The following NAALADL2 variants were observed in gnomAD, a reference collection of about 807,000 sequenced individuals.
NAALADL2 encodes the protein inactive N-acetylated-alpha-linked acidic dipeptidase-like protein 2.
A neutral mutation model predicts 87.2 loss-of-function variants in NAALADL2; 76 were observed. The observed-to-expected ratio is 0.87, with a 90% confidence interval of 0.72 to 1.05. NAALADL2 has a LOEUF of 1.05. Ranked by LOEUF, NAALADL2 falls within the 50% of genes least tolerant of loss-of-function variation. NAALADL2 has a pLI of 0.00. For synonymous variants in NAALADL2, 354 were observed against 331.0 expected, an observed-to-expected ratio of 1.07 and a Z score of -0.75; for missense variants, 1,089 against 945.8, an observed-to-expected ratio of 1.15 and a Z score of -1.99.
At chr3:174,786,175 G>T (rs1418979585) in intron 3 of NAALADL2, among the ~76,000 whole-genome samples, 2 of 152,138 alleles carry the variant, frequency 1.3e-5, no homozygotes, top group South Asian at 2.1e-4. Context: ...AATTGGCCAG[G>T]CATGGTGACT....
At position 175,720,843 on chromosome 3, in the gene NAALADL2, GAAAT is replaced by G; in HGVS notation, c.1897-16459_1897-16456del. Among the ~76,000 whole-genome samples, 4 of 152,106 alleles carry G rather than the reference GAAAT, an allele frequency of 2.6e-5. No individual in the cohort carries two copies. In the South Asian group the frequency reaches 8.3e-4, roughly 32 times the overall value. The stretch of plus-strand genomic sequence containing the variant: ...TAAAGTATCATTCAAAAGTGAGAAA[GAAAT>G]AAAGATATTTTAGAAAAAGGCTGAG... On this transcript the variant is annotated intron_variant, in intron 11 of 13. Coordinates refer to ENST00000454872, the MANE Select transcript of NAALADL2 (RefSeq NM_207015.3).
chr3:175,314,700 A>AAC (rs1350234995), intron 4 of NAALADL2, among the ~76,000 whole-genome samples: 1,395 of 84,916 alleles, frequency 0.016, 98 homozygotes, highest in African/African-American at 0.056. Flanking sequence ...ATATATATAT[A>AAC]TATATATATA....
chr3:174,632,717 C>T (rs549257437), intron 2 of NAALADL2, among the ~76,000 whole-genome samples: 9 of 151,898 alleles, frequency 5.9e-5, no homozygotes, highest in African/African-American at 1.9e-4. Flanking sequence ...AGGCAGATTG[C>T]GAGGTCAGGA....
intron 2 of NAALADL2, among the ~76,000 whole-genome samples, chr3:174,633,883 G>T (rs1343285443): frequency 1.3e-5 from 2 of 152,186 alleles, no homozygotes; most frequent in Non-Finnish European, 2.9e-5. Flanking sequence ...AAGGAGCATA[G>T]ACTTGGAGCT....
intron 2 of NAALADL2, among the ~76,000 whole-genome samples, chr3:174,586,999 A>C: frequency 8.1e-6 from 1 of 123,062 alleles, no homozygotes; most frequent in Admixed American, 8.4e-5. Context: ...CCACCCCACG[A>C]CAGGCCCTGG....
intron 1 of NAALADL2, among the ~76,000 whole-genome samples, chr3:174,958,056 C>T (rs1289358262): frequency 6.6e-6 from 1 of 151,848 alleles, no homozygotes. Context: ...TGTAACCTTT[C>T]ACCATAACAT....
chr3:175,759,742 A>T (rs1456115333), intron 13 of NAALADL2, among the ~76,000 whole-genome samples: 1 of 152,128 alleles, frequency 6.6e-6, no homozygotes, highest in African/African-American at 2.4e-5. Context: ...CATTTCCAGG[A>T]GGATAGTTTG....
intron 2 of NAALADL2, among the ~76,000 whole-genome samples, chr3:175,164,358 T>A (rs1285245194): frequency 1.3e-5 from 2 of 151,946 alleles, no homozygotes; most frequent in African/African-American, 4.8e-5. Flanking sequence ...GTGAGCATCT[T>A]CTTATCACAT....
chr3:175,698,431 G>GTATTTATGTA (rs1738413415), intron 11 of NAALADL2, among the ~76,000 whole-genome samples: 2 of 128,708 alleles, frequency 1.6e-5, no homozygotes, highest in Admixed American at 7.6e-5. Context: ...ATATGTATGT[G>GTATTTATGTA]TATATATTTA....
chr3:174,505,567 A>G (rs932586916), intron 1 of NAALADL2, among the ~76,000 whole-genome samples: 9 of 102,698 alleles, frequency 8.8e-5, no homozygotes, highest in Non-Finnish European at 1.7e-4. Context: ...AGTCTGTGCT[A>G]TCTTTTATTG....
intron 1 of NAALADL2, among the ~76,000 whole-genome samples, chr3:174,468,382 T>C (rs1716667989): frequency 7.7e-6 from 1 of 130,606 alleles, no homozygotes; most frequent in Admixed American, 9.1e-5. Context: ...TTCTTTCTTT[T>C]TCTTTTTTTT....
At chr3:175,449,394 C>CTT (rs1185888984) in intron 6 of NAALADL2, among the ~76,000 whole-genome samples, 20 of 48,552 alleles carry the variant, frequency 4.1e-4, no homozygotes, top group Admixed American at 8.4e-4. Context: ...TAATTTTCTT[C>CTT]TTTTTTTTTT....
rs372908344 is a variant in NAALADL2, at chr3:175,467,075, G to T, written c.1424G>T (p.Arg475Leu). The T allele has an allele frequency of 1.9e-6, 3 of 1,613,814 alleles. No individual in the cohort carries two copies. Among genetic ancestry groups the T allele is most frequent in the African/African-American group, 2.7e-5 (2 of 75,016 alleles). Reference sequence around the variant, plus strand: ...ACTGCAATAATCACAGCGTTTATCCGTGCCTTGATGTCAAAAGTTAAGAGA... The same window carrying T: ...ACTGCAATAATCACAGCGTTTATCCTTGCCTTGATGTCAAAAGTTAAGAGA... ...SSTAIITAFI[R>L]ALMSKVKRGW... is the part of the protein sequence containing the mutation. The change falls in exon 8 of 14, where the codon CGT (arginine) becomes CTT (leucine). Residue 475 changes from arginine (R) to leucine (L), a missense_variant. Physicochemically the swap from Arg to Leu is moderately radical, Grantham distance 102. Transcript: ENST00000454872.
At chr3:175,655,105 T>C (rs1412506909) in intron 11 of NAALADL2, among the ~76,000 whole-genome samples, 2 of 152,162 alleles carry the variant, frequency 1.3e-5, no homozygotes, top group Non-Finnish European at 2.9e-5. Context: ...GTAGTTATGA[T>C]TTAATAATGT....
intron 5 of NAALADL2, among the ~76,000 whole-genome samples, chr3:175,386,975 C>T (rs191829045): frequency 5.9e-5 from 9 of 152,178 alleles, no homozygotes; most frequent in Admixed American, 3.3e-4. Context: ...GGTGAAAATT[C>T]TCCAATTAAT....
chr3:175,564,152 G>T (rs1326814839), intron 9 of NAALADL2, among the ~76,000 whole-genome samples: 1 of 151,444 alleles, frequency 6.6e-6, no homozygotes, highest in Non-Finnish European at 1.5e-5. Flanking sequence ...TTTTCTCCCT[G>T]TGCCCTCCTA....
chr3:175,573,306 C>A (rs1005047238), intron 9 of NAALADL2, among the ~76,000 whole-genome samples: 16 of 152,160 alleles, frequency 1.1e-4, no homozygotes, highest in African/African-American at 3.9e-4. Context: ...CATGTTACTT[C>A]ATTAAAGAGA....
intron 5 of NAALADL2, among the ~76,000 whole-genome samples, chr3:175,431,173 G>A (rs968851732): frequency 9.2e-5 from 14 of 151,830 alleles, no homozygotes; most frequent in Admixed American, 5.3e-4. Flanking sequence ...TTCATTTCAC[G>A]GCAAACATAC....
At position 174,477,621 on chromosome 3, in the gene NAALADL2, C is replaced by G. The variant is rs77942380; in HGVS notation, c.-184+36589C>G. Among the ~76,000 whole-genome samples the G allele has an allele frequency of 1.7e-3, 257 of 152,280 alleles. 1 individual carries two copies. Among genetic ancestry groups the G allele is most frequent in the African/African-American group, 6.0e-3 (251 of 41,566 alleles). ...GTTTAATTTGTTTTTGAAATAATAA[C>G]ACACCATTAAAAATCATGCTTCTGG... On this transcript the variant is annotated intron_variant, in intron 1 of 3. Transcript: ENST00000434257.
Sources: allele counts gnomAD v4.1 joint callset (sites outside exome capture counted in the v4.1 genomes callset), GRCh38; gene constraint gnomAD v4.1.1; transcripts MANE v1.5; gene names NCBI Gene and HGNC (gene_info 2026-07-23, HGNC 2026-07-21).